The following CLASP1 variants were observed in gnomAD, a reference collection of about 807,000 sequenced individuals.
CLASP1 encodes the protein CLIP-associating protein 1.
A neutral mutation model predicts 192.3 loss-of-function variants in CLASP1; 38 were observed. The ratio of observed to expected loss-of-function variants is 0.20; its 90% confidence interval spans 0.15 to 0.26. The LOEUF is 0.26. CLASP1 is among the 10% of genes least tolerant of loss of function. CLASP1 has a pLI of 1.00. For synonymous variants in CLASP1, 691 were observed against 712.8 expected (o/e 0.97, Z 0.49); for missense variants, 1,433 against 1,932.5 (o/e 0.74, Z 4.85).
chr2:121,517,961 C>T (rs13398552), intron 6 of CLASP1, among the ~76,000 whole-genome samples: 3 of 134,440 alleles, frequency 2.2e-5, no homozygotes, highest in African/African-American at 5.7e-5. Flanking sequence ...CCCAGGCAGG[C>T]GAGTTTAAGT....
chr2:121,344,415 T>A (rs528789256), intron 39 of CLASP1, among the ~76,000 whole-genome samples: 13 of 152,002 alleles, frequency 8.6e-5, no homozygotes, highest in African/African-American at 3.1e-4. Context: ...CACTGCAACC[T>A]CCACCTCCCA....
At chr2:121,384,053 C>CACAT (rs1477031656) in intron 32 of CLASP1, among the ~76,000 whole-genome samples, 7 of 135,388 alleles carry the variant, frequency 5.2e-5, no homozygotes, top group Admixed American at 1.5e-4. Flanking sequence ...TATATACACA[C>CACAT]ATATATGTAT....
chr2:121,615,013 C>T (rs894299157), intron 1 of CLASP1, among the ~76,000 whole-genome samples: 3 of 152,196 alleles, frequency 2.0e-5, no homozygotes, highest in African/African-American at 7.2e-5. Context: ...TCAGCTTGAG[C>T]TTTGTGTTAA....
intron 15 of CLASP1, 68 bp downstream of exon 15, chr2:121,451,722 C>T: frequency 8.1e-7 from 1 of 1,230,888 alleles, no homozygotes. Context: ...CCAGCTGGAC[C>T]ACTCACCAAA....
chr2:121,338,072 T>C (rs930840252), exon 40 of CLASP1: 1 of 152,484 alleles, frequency 6.6e-6, no homozygotes, highest in African/African-American at 2.4e-5. Flanking sequence ...CACTTCTTTA[T>C]TTCCAAACAT....
intron 8 of CLASP1, among the ~76,000 whole-genome samples, chr2:121,478,981 CA>C (rs1559370135): frequency 6.0e-5 from 5 of 83,472 alleles, no homozygotes; most frequent in African/African-American, 2.2e-4. Context: ...ACCACACACA[CA>C]CCACACACCC....
At chr2:121,515,634 G>A in intron 7 of CLASP1, 31 bp downstream of exon 7, 5 of 1,555,326 alleles carry the variant, frequency 3.2e-6, no homozygotes, top group Non-Finnish European at 4.4e-6. Flanking sequence ...GGGTTGGGTA[G>A]AGCAGAAGAA....
intron 28 of CLASP1, 84 bp from the exon 30 acceptor site, chr2:121,398,484 G>T (rs2075651865): frequency 5.5e-6 from 5 of 906,150 alleles, no homozygotes; most frequent in Non-Finnish European, 8.5e-6. Flanking sequence ...GCATACCATT[G>T]TAAGTTAATG....
chr2:121,532,902 A>G (rs1244846876), intron 2 of CLASP1, among the ~76,000 whole-genome samples: 3 of 152,216 alleles, frequency 2.0e-5, no homozygotes, highest in Admixed American at 6.5e-5. Context: ...AGAACAGCCC[A>G]TCACTTAAGT....
intron 2 of CLASP1, among the ~76,000 whole-genome samples, chr2:121,598,865 ATTTAT>A (rs1230086805): frequency 6.6e-6 from 1 of 152,028 alleles, no homozygotes; most frequent in East Asian, 1.9e-4. Context: ...ATTTTTATTT[ATTTAT>A]TTATTTATTT....
intron 26 of CLASP1, among the ~76,000 whole-genome samples, chr2:121,402,955 C>T (rs1166096126): frequency 6.6e-6 from 1 of 152,098 alleles, no homozygotes; most frequent in Non-Finnish European, 1.5e-5. Flanking sequence ...TGATTGCCTC[C>T]CAAGTAACTG....
At chr2:121,648,973 T>C (rs1461555869) in intron 1 of CLASP1, among the ~76,000 whole-genome samples, 1 of 152,114 alleles carries the variant, frequency 6.6e-6, no homozygotes, top group African/African-American at 2.4e-5. Context: ...GTTGTGGGTT[T>C]CTCTCCCTCG....
At chr2:121,365,807 A>C (rs149387754) in intron 35 of CLASP1, among the ~76,000 whole-genome samples, 1 of 152,304 alleles carries the variant, frequency 6.6e-6, no homozygotes, top group East Asian at 1.9e-4. Context: ...TGGTGAACAA[A>C]TACCAGTCAA....
chr2:121,444,883 G>C, intron 19 of CLASP1: 1 of 1,239,264 alleles, frequency 8.1e-7, no homozygotes, highest in East Asian at 4.9e-5. Context: ...CACTCGGTGA[G>C]AACAGAGGAC....
intron 1 of CLASP1, among the ~76,000 whole-genome samples, chr2:121,625,558 C>T (rs1410144516): frequency 6.6e-6 from 1 of 151,398 alleles, no homozygotes; most frequent in Non-Finnish European, 1.5e-5. Flanking sequence ...CCTCAGCCTC[C>T]CAAGTAGCTG....
At chr2:121,407,412 C>A in intron 25 of CLASP1, 59 bp downstream of exon 26, 1 of 1,592,876 alleles carries the variant, frequency 6.3e-7, no homozygotes, top group Non-Finnish European at 8.6e-7. Flanking sequence ...TCCCTTTAAA[C>A]CCCTGAAGAG....
intron 2 of CLASP1, among the ~76,000 whole-genome samples, chr2:121,597,857 C>T (rs749473634): frequency 4.6e-5 from 7 of 152,196 alleles, no homozygotes; most frequent in Non-Finnish European, 8.8e-5. Flanking sequence ...GAGAAAGCTG[C>T]GTAGCATAAG....
At chr2:121,504,534 C>T (rs903924048) in intron 7 of CLASP1, among the ~76,000 whole-genome samples, 1 of 152,172 alleles carries the variant, frequency 6.6e-6, no homozygotes, top group Non-Finnish European at 1.5e-5. Flanking sequence ...ACAGCTGGAA[C>T]CTAACTCCTC....
chr2:121,462,435 G>T, intron 10 of CLASP1, 97 bp downstream of exon 10: 2 of 675,088 alleles, frequency 3.0e-6, no homozygotes, highest in South Asian at 4.0e-5. Flanking sequence ...AAAATTACCT[G>T]ACCTAGTAAA....
Sources: allele counts gnomAD v4.1 joint callset (sites outside exome capture counted in the v4.1 genomes callset), GRCh38; gene constraint gnomAD v4.1.1; transcripts MANE v1.5; gene names NCBI Gene and HGNC (gene_info 2026-07-23, HGNC 2026-07-21).